The following MCC variants were observed in gnomAD, a reference collection of about 807,000 sequenced individuals.
The protein encoded by MCC is MCC regulator of Wnt signaling pathway.
MCC carries 90 observed loss-of-function variants against 116.2 expected under a neutral mutation model. That is an observed-to-expected ratio of 0.77 (90% CI 0.65 to 0.92). MCC has a LOEUF of 0.92. Among genes scored for constraint, MCC ranks in the 40% least tolerant of loss-of-function variants. The pLI is 0.00. For synonymous variants in MCC, 578 were observed against 510.5 expected (o/e 1.13, Z -1.78); for missense variants, 1,516 against 1,312.2 (o/e 1.16, Z -2.40).
At chr5:113,030,731 AT>A (rs1750896632) in intron 17 of MCC, among the ~76,000 whole-genome samples, 2 of 152,228 alleles carry the variant, frequency 1.3e-5, no homozygotes, top group Non-Finnish European at 2.9e-5. Flanking sequence ...TATCTGATAC[AT>A]TAAGCAAAAA....
intron 7 of MCC, among the ~76,000 whole-genome samples, chr5:113,103,112 T>C (rs1164745032): frequency 2.6e-5 from 4 of 151,066 alleles, no homozygotes; most frequent in African/African-American, 9.7e-5. Flanking sequence ...AGACTCCGTC[T>C]AAAAAAAAAT....
intron 3 of MCC, among the ~76,000 whole-genome samples, chr5:113,248,743 T>C (rs1302085925): frequency 6.6e-6 from 1 of 152,040 alleles, no homozygotes; most frequent in Non-Finnish European, 1.5e-5. Context: ...AGGGTTTTGA[T>C]ATAAGATTCC....
chr5:113,294,602 G>T, intron 3 of MCC: 1 of 1,191,592 alleles, frequency 8.4e-7, no homozygotes, highest in Non-Finnish European at 1.0e-6. Context: ...ATTGCTGCAG[G>T]AGGCTCGGTG....
At chr5:113,364,238 G>GAAAAAAAAAAAAAAAAAAAAAACAA (rs1768627557) in intron 2 of MCC, among the ~76,000 whole-genome samples, 84 of 49,350 alleles carry the variant, frequency 1.7e-3, no homozygotes, top group East Asian at 2.5e-3. Context: ...CTCAAAAACA[G>GAAAAAAAAAAAAAAAAAAAAAACAA]AAAAAAAAAA....
Position 113,269,271 on chromosome 5 carries a change from C to A in MCC, c.627+71248G>T, listed in dbSNP as rs571150556. The A allele has an allele frequency of 2.0e-4, 181 of 923,932 alleles. No individual in the cohort carries two copies. In the Middle Eastern group the frequency reaches 2.2e-3, roughly 11 times the overall value. 57.2% of individuals were successfully genotyped at this position (923,932 alleles called of 1,614,324 possible). On this transcript the variant is annotated intron_variant, in intron 3 of 18. Transcript: ENST00000408903. Reference sequence around the variant, plus strand: ...GGCCTTTTGACTTCAACAGACTCTACTGCAGGGAACCAGAGGCCAATGAAC... The same window carrying A: ...GGCCTTTTGACTTCAACAGACTCTAATGCAGGGAACCAGAGGCCAATGAAC...
intron 3 of MCC, among the ~76,000 whole-genome samples, chr5:113,219,371 A>C (rs1395905652): frequency 6.6e-6 from 1 of 152,252 alleles, no homozygotes; most frequent in African/African-American, 2.4e-5. Context: ...AGGACTTCCA[A>C]TAAAAAGTCA....
At chr5:113,068,307 G>T in intron 12 of MCC, 124 bp from the exon 13 acceptor site, 1 of 681,632 alleles carries the variant, frequency 1.5e-6, no homozygotes, top group South Asian at 1.7e-5. Context: ...CACAGGCAAG[G>T]AAACCACCCA....
intron 7 of MCC, among the ~76,000 whole-genome samples, chr5:113,102,582 C>T (rs559371988): frequency 6.6e-6 from 1 of 152,276 alleles, no homozygotes; most frequent in South Asian, 2.1e-4. Flanking sequence ...ATTAATAATA[C>T]AGCTTCAAAA....
intron 6 of MCC, among the ~76,000 whole-genome samples, chr5:113,118,518 G>A (rs1757527189): frequency 6.6e-6 from 1 of 152,192 alleles, no homozygotes; most frequent in Admixed American, 6.5e-5. Context: ...GACTCTGATG[G>A]GTGGTTATGA....
intron 3 of MCC, among the ~76,000 whole-genome samples, chr5:113,232,360 A>G (rs1051092109): frequency 6.6e-6 from 1 of 152,206 alleles, no homozygotes; most frequent in Non-Finnish European, 1.5e-5. Flanking sequence ...GTCCAGTTAC[A>G]TAATTTTGGA....
intron 1 of MCC, among the ~76,000 whole-genome samples, chr5:113,469,526 G>C (rs1458568945): frequency 6.6e-6 from 1 of 152,194 alleles, no homozygotes; most frequent in Non-Finnish European, 1.5e-5. Flanking sequence ...GTTCTAGTTT[G>C]ATTGCACTGT....
At chr5:113,443,991 T>TTGTGTG (rs34145955) in intron 1 of MCC, among the ~76,000 whole-genome samples, 2,674 of 144,058 alleles carry the variant, frequency 0.019, 64 homozygotes, top group African/African-American at 0.049. Flanking sequence ...CTCGGCTAAT[T>TTGTGTG]TGTGTGTGTG....
At chr5:113,136,933 C>A (rs1339249308) in intron 5 of MCC, among the ~76,000 whole-genome samples, 1 of 152,012 alleles carries the variant, frequency 6.6e-6, no homozygotes, top group Admixed American at 6.5e-5. Context: ...CTGTCTTATT[C>A]CAGTCTTTAG....
intron 3 of MCC, chr5:113,294,355 T>C (rs1766635371): frequency 6.7e-7 from 1 of 1,486,876 alleles, no homozygotes; most frequent in African/African-American, 1.4e-5. Context: ...GAGGAGTCGT[T>C]TCCATATTTC....
chr5:113,337,329 A>G lies in MCC; in HGVS notation c.627+3190T>C, dbSNP rs139999553. 3.9e-4 allele frequency among the ~76,000 whole-genome samples: 59 copies of G among 152,226 alleles called. No individual in the cohort carries two copies. In the East Asian group the frequency reaches 7.3e-3, roughly 19 times the overall value. On this transcript the variant is annotated intron_variant, in intron 3 of 18. Coordinates refer to ENST00000408903, the MANE Select transcript of MCC (RefSeq NM_001085377.2). The stretch of plus-strand genomic sequence containing the variant: ...CCTGATGAGTCTTGCAGATGCCCCA[A>G]TGGGTGGTATACCAGGAGGCTGGAC...
chr5:113,478,925 C>T (rs115363813), intron 1 of MCC, among the ~76,000 whole-genome samples: 2,663 of 152,178 alleles, frequency 0.017, 44 homozygotes, highest in Middle Eastern at 0.027. Flanking sequence ...ATTACATAAG[C>T]GATATGAATA....
chr5:113,434,768 T>C lies in MCC; in HGVS notation c.171-49556A>G, dbSNP rs771897050. On this transcript the variant is annotated intron_variant, in intron 1 of 18. Transcript: ENST00000408903. The surrounding 1 kb of genome is among the most constrained non-coding windows in gnomAD (Gnocchi z 4.2). ...GCTCAGAGTAAGCAGATTTTACTTT[T>C]GCATAGGAGCCCTCTCCTAAATTTA... 24 of 1,613,886 alleles carry C rather than the reference T, an allele frequency of 1.5e-5. No homozygotes were observed. Among genetic ancestry groups the C allele is most frequent in the Admixed American group, 6.7e-5 (4 of 60,006 alleles).
At chr5:113,399,071 C>A (rs765949514) in intron 1 of MCC, among the ~76,000 whole-genome samples, 1 of 152,110 alleles carries the variant, frequency 6.6e-6, no homozygotes, top group Admixed American at 6.5e-5. Context: ...CTGGACAGCA[C>A]AAGTATAGAA....
intron 3 of MCC, among the ~76,000 whole-genome samples, chr5:113,244,180 C>A (rs528725378): frequency 1.3e-5 from 2 of 152,274 alleles, no homozygotes; most frequent in South Asian, 4.2e-4. Flanking sequence ...GAACATGCCT[C>A]TCTCACCCCC....
Sources: gnomAD v4.1 joint callset for allele counts (sites outside exome capture counted in the v4.1 genomes callset) on GRCh38, gnomAD v4.1.1 for gene constraint, Gnocchi (gnomAD v3.1) non-coding constraint, MANE v1.5 for transcripts, NCBI Gene and HGNC (gene_info 2026-07-23, HGNC 2026-07-21) for gene names.